Variants in GPC3 observed in about 807,000 individuals in gnomAD.
GPC3 encodes the protein glypican-3.
Under a neutral mutation model 34.4 loss-of-function variants are expected in GPC3, and 3 were observed. The ratio of observed to expected loss-of-function variants is 0.09; its 90% confidence interval spans 0.04 to 0.23. GPC3 has a LOEUF of 0.23. GPC3 is among the 10% of genes least tolerant of loss of function. The probability of loss-of-function intolerance (pLI) is 1.00; values close to 1 mark genes in which losing one functional copy is unlikely to be tolerated. For missense variants in GPC3, 351 were observed against 445.6 expected, an observed-to-expected ratio of 0.79 and a Z score of 1.91; for synonymous variants, 177 against 174.0, an observed-to-expected ratio of 1.02 and a Z score of -0.13.
chrX:133,666,303 G>A (rs1321217850), intron 5 of GPC3, among the ~76,000 whole-genome samples: 1 of 112,133 alleles, frequency 8.9e-6, no homozygotes, highest in African/African-American at 3.2e-5. Context: ...TTAGAAGCTT[G>A]CCAAACTTTT....
intron 3 of GPC3, among the ~76,000 whole-genome samples, chrX:133,738,913 G>A (rs998007606): frequency 6.3e-5 from 7 of 111,771 alleles, no homozygotes; most frequent in African/African-American, 1.6e-4. Flanking sequence ...AGAAGCAGAG[G>A]ACTACAGCCA....
intron 7 of GPC3, among the ~76,000 whole-genome samples, chrX:133,559,337 A>T (rs1002204347): frequency 3.2e-5 from 3 of 93,029 alleles, no homozygotes; most frequent in Non-Finnish European, 5.8e-5. Context: ...AGATTGACAC[A>T]TGGCATAGGT....
intron 5 of GPC3, among the ~76,000 whole-genome samples, chrX:133,685,485 G>A (rs1299664826): frequency 1.8e-5 from 2 of 111,688 alleles, no homozygotes; most frequent in African/African-American, 6.5e-5. Context: ...CAATTAAGCA[G>A]AGAAATCCTG....
chrX:133,765,358 T>A (rs1286975798), intron 2 of GPC3, among the ~76,000 whole-genome samples: 1 of 112,144 alleles, frequency 8.9e-6, no homozygotes, highest in Non-Finnish European at 1.9e-5. Flanking sequence ...GCACTTACTG[T>A]TACTAACCAT....
intron 2 of GPC3, among the ~76,000 whole-genome samples, chrX:133,761,991 T>C (rs1165827550): frequency 8.9e-6 from 1 of 112,234 alleles, no homozygotes; most frequent in Non-Finnish European, 1.9e-5. Context: ...ATAGTTCCTA[T>C]GTATTTCAGT....
chrX:133,610,261 A>G (rs2070095961), intron 6 of GPC3, among the ~76,000 whole-genome samples: 1 of 111,205 alleles, frequency 9.0e-6, no homozygotes, highest in African/African-American at 3.3e-5. Context: ...TGCTCCTGGG[A>G]CTGAAGTGTT....
rs571047293 is a variant in GPC3 at position 133,858,937 on chromosome X, C to T, written c.337+94113G>A. Among the ~76,000 whole-genome samples the T allele has an allele frequency of 5.1e-4, 56 of 109,281 alleles. No individual in the cohort carries two copies. In the South Asian group the frequency reaches 0.02, roughly 39 times the overall value. 94.9% of individuals were successfully genotyped at this position (109,281 alleles called of 115,157 possible). On this transcript the variant is annotated intron_variant, in intron 2 of 7. Transcript: ENST00000370818. ...TCTACTAAAAATACAAAAAATTAGCCGGGCATGGTGGCAGCCGCCTGTAGT... is the reference window on the plus strand; with the variant it reads ...TCTACTAAAAATACAAAAAATTAGCTGGGCATGGTGGCAGCCGCCTGTAGT...
chrX:133,958,709 G>GAAAA (rs1196601371), intron 1 of GPC3, among the ~76,000 whole-genome samples: 2 of 56,699 alleles, frequency 3.5e-5, no homozygotes, highest in African/African-American at 1.3e-4. Context: ...CATCTCTACT[G>GAAAA]AAAAAAAAAA....
intron 7 of GPC3, among the ~76,000 whole-genome samples, chrX:133,591,386 A>T (rs1834582356): frequency 9.0e-6 from 1 of 111,713 alleles, no homozygotes; most frequent in South Asian, 3.8e-4. Context: ...CATTCCAAAT[A>T]GCTATTATGC....
At chrX:133,619,776 T>C (rs1230858054) in intron 6 of GPC3, among the ~76,000 whole-genome samples, 2 of 110,646 alleles carry the variant, frequency 1.8e-5, no homozygotes, top group Non-Finnish European at 3.8e-5. Flanking sequence ...AACCACTGAA[T>C]TGTACATTTT....
chrX:133,681,076 C>A (rs1225019737), intron 5 of GPC3, among the ~76,000 whole-genome samples: 4 of 111,933 alleles, frequency 3.6e-5, no homozygotes, highest in African/African-American at 1.3e-4. Flanking sequence ...CTCCATCTAT[C>A]TCCCAGTAAA....
chrX:133,857,898 T>C (rs1302026737), intron 2 of GPC3, among the ~76,000 whole-genome samples: 3 of 112,020 alleles, frequency 2.7e-5, no homozygotes, highest in African/African-American at 6.5e-5. Flanking sequence ...TTTTAAAAAG[T>C]ACTTATAGAT....
intron 2 of GPC3, among the ~76,000 whole-genome samples, chrX:133,897,157 T>C (rs961699985): frequency 1.3e-4 from 14 of 107,828 alleles, no homozygotes; most frequent in East Asian, 3.0e-4. Flanking sequence ...CCGCCCACCT[T>C]GGCCTCCTAA....
At chrX:133,665,920 A>T (rs2070763626) in intron 5 of GPC3, among the ~76,000 whole-genome samples, 1 of 111,943 alleles carries the variant, frequency 8.9e-6, no homozygotes, top group African/African-American at 3.3e-5. Context: ...AATGAACTTC[A>T]GGAATGTGTC....
In GPC3 at chrX:133,985,416, C is replaced by A. The variant is rs748152935; in HGVS notation, c.34G>T (p.Val12Leu). The change falls in exon 1 of 8, where the codon GTG becomes TTG. Residue 12 changes from valine to leucine, a missense_variant. Val to Leu is a conservative substitution (Grantham distance 32). Coordinates refer to ENST00000370818, the MANE Select transcript of GPC3 (RefSeq NM_004484.4). ...AGTVRTACLV[V>L]AMLLSLDFPG... The stretch of plus-strand genomic sequence containing the variant: ...AAGTCCAAGCTGAGCAGCATCGCCA[C>A]CACCAAGCACGCGGTGCGCACGGTC... 5.1e-6 allele frequency: 6 copies of A among 1,180,528 alleles called. No individual in the cohort carries two copies. The highest frequency in any genetic ancestry group is 6.8e-6 in the Non-Finnish European group (6 of 880,263).
At position 133,584,707 on chromosome X, in the gene GPC3, A is replaced by G. The variant is rs187611205; in HGVS notation, c.1573+11733T>C. The stretch of plus-strand genomic sequence containing the variant: ...TTGCTCAGGCTAGTCTTGAACTCCT[A>G]TGCTCAAGTAATCCATCCACCTTGG... On this transcript the variant is annotated intron_variant, in intron 7 of 7. Coordinates refer to ENST00000370818, the MANE Select transcript of GPC3 (RefSeq NM_004484.4). Among the ~76,000 whole-genome samples, 108 of 110,893 alleles carry G rather than the reference A, an allele frequency of 9.7e-4. No homozygotes were observed. In the East Asian group the frequency reaches 0.027, roughly 28 times the overall value.
intron 7 of GPC3, among the ~76,000 whole-genome samples, chrX:133,536,985 G>A (rs1368488495): frequency 1.8e-5 from 2 of 112,087 alleles, no homozygotes; most frequent in African/African-American, 6.5e-5. Flanking sequence ...CCAAGTGAAT[G>A]GGTGTAAGGA....
At chrX:133,916,189 C>T (rs762935815) in intron 2 of GPC3, among the ~76,000 whole-genome samples, 49 of 103,414 alleles carry the variant, frequency 4.7e-4, no homozygotes, top group African/African-American at 1.5e-3. Flanking sequence ...TATGACAGTA[C>T]ACTCAAACAA....
chrX:133,607,491 C>T lies in GPC3; in HGVS notation c.1414-10892G>A, dbSNP rs188553546. On this transcript the variant is annotated intron_variant, in intron 6 of 7. Transcript: ENST00000370818. ...CTATGTTGCCCAGGCTGGTCTGGGA[C>T]TCCTGGGCTCAAGCAATCCTCCTGC... Among the ~76,000 whole-genome samples the T allele has an allele frequency of 1.9e-3, 207 of 111,208 alleles. 1 individual carries two copies. The highest frequency in any genetic ancestry group is 6.5e-3 in the African/African-American group (199 of 30,661).
Sources: gnomAD v4.1 joint callset for allele counts (sites outside exome capture counted in the v4.1 genomes callset) on GRCh38, gnomAD v4.1.1 for gene constraint, MANE v1.5 for transcripts, NCBI Gene and HGNC (gene_info 2026-07-23, HGNC 2026-07-21) for gene names.